EMCN: variants seen among roughly 807,000 people sequenced by gnomAD.
EMCN encodes MUC-14.
A neutral mutation model predicts 38.4 loss-of-function variants in EMCN; 37 were observed. That is an observed-to-expected ratio of 0.96 (90% confidence interval 0.74 to 1.27). The LOEUF is 1.27. Ranked by LOEUF, EMCN falls within the 50% of genes most tolerant of loss-of-function variation. The probability of loss-of-function intolerance (pLI) is 0.00; values close to 1 mark genes in which losing one functional copy is unlikely to be tolerated. For synonymous variants in EMCN, 95 were observed against 100.8 expected (o/e 0.94, Z 0.35); for missense variants, 318 against 302.8 (o/e 1.05, Z -0.37).
At chr4:100,414,612 T>C (rs1422979977) in intron 10 of EMCN, among the ~76,000 whole-genome samples, 1 of 152,092 alleles carries the variant, frequency 6.6e-6, no homozygotes, top group Non-Finnish European at 1.5e-5. Flanking sequence ...AGATGGCTCA[T>C]GTGAGGGATT....
At chr4:100,490,261 G>A (rs1448603465) in intron 1 of EMCN, among the ~76,000 whole-genome samples, 4 of 151,558 alleles carry the variant, frequency 2.6e-5, no homozygotes, top group African/African-American at 9.7e-5. Context: ...GCTGTGCAAT[G>A]TGTTTGTGTT....
chr4:100,444,263 G>A (rs1306876580), intron 5 of EMCN, among the ~76,000 whole-genome samples: 5 of 152,216 alleles, frequency 3.3e-5, no homozygotes, highest in Non-Finnish European at 5.9e-5. Flanking sequence ...TCTGGCCCCA[G>A]AAATCATGTC....
At chr4:100,498,905 A>G (rs1467570370) in intron 1 of EMCN, among the ~76,000 whole-genome samples, 1 of 152,136 alleles carries the variant, frequency 6.6e-6, no homozygotes, top group Non-Finnish European at 1.5e-5. Flanking sequence ...ATTTACTTAC[A>G]TATCTTATTT....
chr4:100,455,689 G>A (rs1727996055), intron 4 of EMCN, among the ~76,000 whole-genome samples: 1 of 151,732 alleles, frequency 6.6e-6, no homozygotes, highest in South Asian at 2.1e-4. Flanking sequence ...ATTTGATTAT[G>A]ATGTGCTTTG....
intron 1 of EMCN, among the ~76,000 whole-genome samples, chr4:100,489,550 G>T (rs972907768): frequency 9.9e-5 from 15 of 152,134 alleles, no homozygotes; most frequent in Non-Finnish European, 2.2e-4. Flanking sequence ...TTGTAATGTT[G>T]CAGTACAATG....
chr4:100,401,470 G>A (rs1560600408), intron 11 of EMCN, among the ~76,000 whole-genome samples: 1 of 152,024 alleles, frequency 6.6e-6, no homozygotes, highest in Admixed American at 6.6e-5. Context: ...ACAGATTTTG[G>A]TATCTCCAGG....
intron 4 of EMCN, among the ~76,000 whole-genome samples, chr4:100,455,111 C>T (rs946236164): frequency 4.0e-5 from 6 of 151,700 alleles, no homozygotes; most frequent in Non-Finnish European, 7.4e-5. Context: ...TTCTCTGTTT[C>T]TTTTTTTCTT....
At chr4:100,517,755 A>T (rs1578245367) in intron 1 of EMCN, 96 bp downstream of exon 1, 1 of 1,096,566 alleles carries the variant, frequency 9.1e-7, no homozygotes, top group East Asian at 2.4e-5. Context: ...TGCTGCATCT[A>T]AGTGTCAGGG....
intron 5 of EMCN, among the ~76,000 whole-genome samples, chr4:100,441,350 G>C (rs764211826): frequency 6.6e-6 from 1 of 151,952 alleles, no homozygotes; most frequent in Non-Finnish European, 1.5e-5. Flanking sequence ...TTTATTATTT[G>C]CATGGAATAT....
chr4:100,436,062 A>G (rs1469746638), intron 5 of EMCN, among the ~76,000 whole-genome samples: 1 of 152,172 alleles, frequency 6.6e-6, no homozygotes, highest in East Asian at 1.9e-4. Context: ...TCTGCACAGC[A>G]AAAGGAACTA....
At chr4:100,504,391 C>T (rs1045143031) in intron 1 of EMCN, among the ~76,000 whole-genome samples, 8 of 152,032 alleles carry the variant, frequency 5.3e-5, no homozygotes, top group Non-Finnish European at 1.0e-4. Context: ...GGCAAGAGAC[C>T]GAGGGCACGA....
intron 10 of EMCN, among the ~76,000 whole-genome samples, chr4:100,413,533 T>C (rs1726625199): frequency 6.6e-6 from 1 of 152,174 alleles, no homozygotes. Flanking sequence ...AAGAAATTTG[T>C]TTGCTAGTGT....
chr4:100,444,121 G>A (rs1453084380), intron 5 of EMCN, among the ~76,000 whole-genome samples: 1 of 152,206 alleles, frequency 6.6e-6, no homozygotes, highest in African/African-American at 2.4e-5. Flanking sequence ...AGTCCCCCAA[G>A]AGGCAGCATG....
chr4:100,460,869 C>T (rs1223694003), intron 4 of EMCN, among the ~76,000 whole-genome samples: 3 of 152,158 alleles, frequency 2.0e-5, no homozygotes, highest in African/African-American at 7.2e-5. Context: ...AATCATTGCA[C>T]AGACTAATGT....
chr4:100,422,866 T>G (rs573557767), intron 7 of EMCN, among the ~76,000 whole-genome samples, 155 bp downstream of exon 7: 4 of 150,396 alleles, frequency 2.7e-5, no homozygotes, highest in Admixed American at 1.3e-4. Context: ...TGGGAAATTT[T>G]CAGAGCAGGC....
intron 4 of EMCN, among the ~76,000 whole-genome samples, chr4:100,456,676 C>CT (rs1728026362): frequency 6.6e-6 from 1 of 152,060 alleles, no homozygotes; most frequent in Admixed American, 6.6e-5. Context: ...AAGAGACACA[C>CT]TCTGTATCAC....
Position 100,423,057 on chromosome 4 carries a change from T to G in EMCN, c.532A>C (p.Asn178His). 1 of 1,613,160 alleles carries G rather than the reference T, an allele frequency of 6.2e-7. No homozygotes were observed. The highest frequency in any genetic ancestry group is 8.5e-7 in the Non-Finnish European group (1 of 1,179,420). The change falls in exon 7 of 12, where the codon AAT becomes CAT. Residue 178 changes from asparagine (N) to histidine (H), a missense_variant. Physicochemically the swap from Asn to His is moderately conservative, Grantham distance 68. Coordinates refer to ENST00000296420, the MANE Select transcript of EMCN (RefSeq NM_016242.4). ...SQVIGTEGGK[N>H]ASTSATSRSY... is the part of the protein sequence containing the mutation. Reference sequence around the variant, plus strand: ...CGGCTGGTTGCTGAAGTGCTTGCATTTTTTCCACCCTCAGTGCCTATTACT... The same window carrying G: ...CGGCTGGTTGCTGAAGTGCTTGCATGTTTTCCACCCTCAGTGCCTATTACT...
Position 100,464,519 on chromosome 4 carries a change from G to C in EMCN, c.376+904C>G, listed in dbSNP as rs906569064. 3.9e-5 allele frequency among the ~76,000 whole-genome samples: 6 copies of C among 152,016 alleles called. No individual in the cohort carries two copies. In the East Asian group the frequency reaches 9.6e-4, roughly 24 times the overall value. On this transcript the variant is annotated intron_variant, in intron 4 of 11. Transcript: ENST00000296420. ...TCTTTCATTATTAGGTATGATGTTA[G>C]CTGTAGGCTTTTTGTATATGCCCTT...
intron 5 of EMCN, among the ~76,000 whole-genome samples, chr4:100,443,378 G>T (rs72923855): frequency 0.014 from 2,061 of 152,272 alleles, 54 homozygotes; most frequent in African/African-American, 0.047. Flanking sequence ...TGGGCAGGGC[G>T]CCTCTGGTTA....
Sources: gnomAD v4.1 joint callset for allele counts (sites outside exome capture counted in the v4.1 genomes callset) on GRCh38, gnomAD v4.1.1 for gene constraint, MANE v1.5 for transcripts, NCBI Gene and HGNC (gene_info 2026-07-23, HGNC 2026-07-21) for gene names.